The following ADAMTS19 variants were observed in gnomAD, a reference collection of about 807,000 sequenced individuals.
ADAMTS19 encodes ADAM metallopeptidase with thrombospondin type 1 motif 19.
A neutral mutation model predicts 153.3 loss-of-function variants in ADAMTS19; 93 were observed. The observed-to-expected ratio is 0.61, with a 90% CI of 0.51 to 0.72. ADAMTS19 has a LOEUF of 0.72. Ranked by LOEUF, ADAMTS19 falls within the 30% of genes least tolerant of loss-of-function variation. The pLI is 0.00. For missense variants in ADAMTS19, 1,482 were observed against 1,552.1 expected, an observed-to-expected ratio of 0.95 and a Z score of 0.76; for synonymous variants, 600 against 556.6, an observed-to-expected ratio of 1.08 and a Z score of -1.10.
chr5:129,537,689 C>G (rs1339266680), intron 6 of ADAMTS19, among the ~76,000 whole-genome samples: 1 of 151,872 alleles, frequency 6.6e-6, no homozygotes, highest in Non-Finnish European at 1.5e-5. Flanking sequence ...AAAAACCAAA[C>G]ACCGCATGTT....
chr5:129,736,107 C>G (rs951488328), intron 22 of ADAMTS19, among the ~76,000 whole-genome samples: 2 of 151,920 alleles, frequency 1.3e-5, no homozygotes, highest in African/African-American at 4.8e-5. Context: ...GTGAATAACA[C>G]TAATTAAGAC....
At chr5:129,637,026 AT>A (rs534535832) in intron 10 of ADAMTS19, among the ~76,000 whole-genome samples, 3 of 149,650 alleles carry the variant, frequency 2.0e-5, no homozygotes, top group Non-Finnish European at 3.0e-5. Context: ...AGATTGACAG[AT>A]TTTTTTTTCT....
intron 11 of ADAMTS19, among the ~76,000 whole-genome samples, chr5:129,646,132 C>T (rs1753058533): frequency 6.6e-6 from 1 of 151,680 alleles, no homozygotes; most frequent in African/African-American, 2.4e-5. Flanking sequence ...TCGTGATCCG[C>T]CCGCCTCGGC....
chr5:129,670,914 C>T (rs924021361), intron 16 of ADAMTS19, among the ~76,000 whole-genome samples: 2 of 152,082 alleles, frequency 1.3e-5, no homozygotes, highest in Admixed American at 6.6e-5. Flanking sequence ...ATCACATATC[C>T]GTCTCAGTTA....
At chr5:129,509,967 G>T (rs1396387859) in intron 3 of ADAMTS19, among the ~76,000 whole-genome samples, 5 of 151,818 alleles carry the variant, frequency 3.3e-5, no homozygotes, top group African/African-American at 1.2e-4. Flanking sequence ...GGATCTGAAA[G>T]TCATAGCTAA....
chr5:129,469,916 T>A lies in ADAMTS19; in HGVS notation c.747+8159T>A, dbSNP rs114014341. ...ATAATATAGTTACATGTGAGAGAAG[T>A]TTCTGGATTATGAGAGGGGCAATAT... On this transcript the variant is annotated intron_variant, in intron 2 of 22. Coordinates refer to ENST00000274487, the MANE Select transcript of ADAMTS19 (RefSeq NM_133638.6). Among the ~76,000 whole-genome samples the A allele has an allele frequency of 5.7e-3, 875 of 152,278 alleles. 5 individuals are homozygous for A. Among genetic ancestry groups the A allele is most frequent in the African/African-American group, 0.02 (821 of 41,562 alleles).
intron 6 of ADAMTS19, among the ~76,000 whole-genome samples, chr5:129,533,700 T>C (rs546809698): frequency 8.7e-4 from 133 of 152,280 alleles, no homozygotes; most frequent in African/African-American, 3.0e-3. Flanking sequence ...GTGTCAATTT[T>C]AGATCTTTCC....
At chr5:129,702,953 T>TATATAA (rs1554108052) in intron 20 of ADAMTS19, among the ~76,000 whole-genome samples, 34 of 122,260 alleles carry the variant, frequency 2.8e-4, no homozygotes, top group African/African-American at 1.3e-3. Context: ...TATATATATA[T>TATATAA]ATATATATAT....
chr5:129,655,970 C>T (rs1471849003), intron 14 of ADAMTS19, among the ~76,000 whole-genome samples: 1 of 152,096 alleles, frequency 6.6e-6, no homozygotes, highest in Admixed American at 6.5e-5. Context: ...ATTTTGTTTT[C>T]AGAACTATAT....
chr5:129,687,295 C>A (rs1043751991), intron 18 of ADAMTS19, among the ~76,000 whole-genome samples: 3 of 152,058 alleles, frequency 2.0e-5, no homozygotes, highest in African/African-American at 7.2e-5. Flanking sequence ...CACTGAAACG[C>A]AGTTGTTAAA....
At chr5:129,519,445 AG>A (rs1021800438) in intron 3 of ADAMTS19, among the ~76,000 whole-genome samples, 1 of 151,938 alleles carries the variant, frequency 6.6e-6, no homozygotes, top group African/African-American at 2.4e-5. Context: ...AGGTTAGGGG[AG>A]GGGTGATGCC....
chr5:129,573,959 T>C (rs930640336), intron 7 of ADAMTS19, among the ~76,000 whole-genome samples: 7 of 152,070 alleles, frequency 4.6e-5, no homozygotes, highest in African/African-American at 1.7e-4. Flanking sequence ...GTTGTTGGGA[T>C]AAACTCTGGA....
intron 21 of ADAMTS19, among the ~76,000 whole-genome samples, chr5:129,720,093 C>A (rs1756918245): frequency 6.7e-6 from 1 of 149,438 alleles, no homozygotes; most frequent in South Asian, 2.1e-4. Context: ...GCTTTTTGTG[C>A]CAATCAGTAA....
At chr5:129,496,313 G>A (rs1463507031) in intron 2 of ADAMTS19, among the ~76,000 whole-genome samples, 1 of 152,050 alleles carries the variant, frequency 6.6e-6, no homozygotes, top group East Asian at 1.9e-4. Flanking sequence ...AAGATTGTCA[G>A]CCTGTATTAA....
chr5:129,631,312 T>C (rs2127000779), intron 10 of ADAMTS19, among the ~76,000 whole-genome samples: 1 of 146,836 alleles, frequency 6.8e-6, no homozygotes, highest in East Asian at 2.1e-4. Context: ...CTATATGCAT[T>C]TGACAGAATG....
chr5:129,657,223 G>C (rs530448519), intron 14 of ADAMTS19, among the ~76,000 whole-genome samples: 1 of 152,314 alleles, frequency 6.6e-6, no homozygotes, highest in South Asian at 2.1e-4. Context: ...GTATTGTGCA[G>C]TTTTAATGTG....
At chr5:129,509,816 C>G (rs1253662219) in intron 3 of ADAMTS19, among the ~76,000 whole-genome samples, 1 of 151,832 alleles carries the variant, frequency 6.6e-6, no homozygotes, top group Non-Finnish European at 1.5e-5. Context: ...CCATCAAATC[C>G]TTGGCTCTTT....
At chr5:129,695,603 A>G (rs745901326) in intron 19 of ADAMTS19, among the ~76,000 whole-genome samples, 1 of 152,198 alleles carries the variant, frequency 6.6e-6, no homozygotes, top group Non-Finnish European at 1.5e-5. Flanking sequence ...GCTACTTGGC[A>G]TGGCTGCCAA....
chr5:129,678,174 C>T (rs1754635697), intron 16 of ADAMTS19, among the ~76,000 whole-genome samples: 1 of 152,152 alleles, frequency 6.6e-6, no homozygotes, highest in Admixed American at 6.5e-5. Flanking sequence ...GGCTAGTCCT[C>T]ATTTCTCCAG....
Sources: allele counts gnomAD v4.1 joint callset (sites outside exome capture counted in the v4.1 genomes callset), GRCh38; gene constraint gnomAD v4.1.1; transcripts MANE v1.5; gene names NCBI Gene and HGNC (gene_info 2026-07-23, HGNC 2026-07-21).